Variants in STARD4 observed in about 807,000 individuals in gnomAD.
STARD4 encodes stAR-related lipid transfer protein 4.
A neutral mutation model predicts 24.9 loss-of-function variants in STARD4; 33 were observed. The ratio of observed to expected loss-of-function variants is 1.32; its 90% CI spans 1.00 to 1.77. STARD4 has a LOEUF of 1.77. Ranked by LOEUF, STARD4 falls within the 40% of genes most tolerant of loss-of-function variation. STARD4 has a pLI of 0.00. For synonymous variants in STARD4, 88 were observed against 77.4 expected (o/e 1.14, Z -0.72); for missense variants, 238 against 249.3 (o/e 0.95, Z 0.31).
At chr5:111,510,225 C>G (rs527553435) in intron 1 of STARD4, among the ~76,000 whole-genome samples, 1 of 152,266 alleles carries the variant, frequency 6.6e-6, no homozygotes, top group African/African-American at 2.4e-5. Flanking sequence ...TCTGTGTAAA[C>G]AGGCATAATT....
chr5:111,504,966 C>A (rs79490111), intron 3 of STARD4: 1 of 447,514 alleles, frequency 2.2e-6, no homozygotes, highest in South Asian at 1.6e-5. Context: ...TTCTGTGCTG[C>A]GGCCTCAGTT....
At chr5:111,501,257 A>G (rs1756433686) in intron 4 of STARD4, 141 bp from the exon 5 acceptor site, 1 of 946,848 alleles carries the variant, frequency 1.1e-6, no homozygotes, top group African/African-American at 1.7e-5. Context: ...TGATTCTGAC[A>G]GGTCTAGATC....
chr5:111,497,071 A>G lies in STARD4; in HGVS notation c.*2815T>C, dbSNP rs981901599. On this transcript the variant is annotated 3_prime_UTR_variant, in exon 6 of 6. Transcript: ENST00000296632. ...AAACTAATTTCCTTAAAAAATAGCT[A>G]CTATATACTGAAAACAGTATTATGC... The G allele has an allele frequency of 1.3e-5, 2 of 152,050 alleles. No homozygotes were observed. Among genetic ancestry groups the G allele is most frequent in the Non-Finnish European group, 2.9e-5 (2 of 67,924 alleles). The allele number at this position is 152,050 out of a possible 1,614,324, so 9.4% of individuals were successfully genotyped here.
Position 111,497,732 on chromosome 5 carries a change from T to C in STARD4, c.*2154A>G, listed in dbSNP as rs1031787359. 3 of 152,106 alleles carry C rather than the reference T, an allele frequency of 2.0e-5. No individual in the cohort carries two copies. The highest frequency in any genetic ancestry group is 7.2e-5 in the African/African-American group (3 of 41,444). 9.4% of individuals were successfully genotyped at this position (152,106 alleles called of 1,614,324 possible). A position where few individuals can be genotyped will look rare whatever the true frequency, so the allele number is the denominator to read the frequency against. ...ATTGCTATAGAAGCAGCGGACTCAA[T>C]TATTTATGTTAATATCCATCCCAAC... On this transcript the variant is annotated 3_prime_UTR_variant, in exon 6 of 6. Coordinates refer to ENST00000296632, the MANE Select transcript of STARD4 (RefSeq NM_139164.3).
Position 111,507,239 on chromosome 5 carries a change from G to T in STARD4, c.105+90C>A, listed in dbSNP as rs535341186. ...CATATCCATCCAAAGTATGGTCTTT[G>T]TCCATATTGTTCCATTTAATTTTAA... On this transcript the variant is annotated intron_variant, in intron 2 of 5. Coordinates refer to ENST00000296632, the MANE Select transcript of STARD4 (RefSeq NM_139164.3). The surrounding 1 kb of genome is among the most constrained non-coding windows in gnomAD (Gnocchi z 4.4). 4.3e-5 allele frequency: 45 copies of T among 1,044,658 alleles called. No homozygotes were observed. The highest frequency in any genetic ancestry group is 6.2e-5 in the Non-Finnish European group (44 of 706,518). The allele number at this position is 1,044,658 out of a possible 1,614,324, so 64.7% of individuals were successfully genotyped here. A position where few individuals can be genotyped will look rare whatever the true frequency, so the allele number is the denominator to read the frequency against.
At chr5:111,502,991 A>C (rs1756577631) in intron 3 of STARD4, among the ~76,000 whole-genome samples, 1 of 152,186 alleles carries the variant, frequency 6.6e-6, no homozygotes, top group Non-Finnish European at 1.5e-5. Context: ...AACATAGCCA[A>C]AAACAGTTTA....
chr5:111,503,254 T>A (rs1756597570), intron 3 of STARD4, among the ~76,000 whole-genome samples: 2 of 152,180 alleles, frequency 1.3e-5, no homozygotes, highest in Admixed American at 1.3e-4. Context: ...TCAATAGTTA[T>A]CCTTATGGAG....
intron 1 of STARD4, among the ~76,000 whole-genome samples, chr5:111,511,300 C>A (rs1757255550): frequency 6.6e-6 from 1 of 151,980 alleles, no homozygotes; most frequent in Non-Finnish European, 1.5e-5. Context: ...AAAAAAAAAA[C>A]CTAATGCTCT....
chr5:111,500,191 T>C, intron 5 of STARD4, 85 bp from the exon 6 acceptor site: 1 of 1,404,434 alleles, frequency 7.1e-7, no homozygotes, highest in Non-Finnish European at 9.3e-7. Context: ...GAATTCTTAT[T>C]TAAATATTTA....
rs532561915 is a variant in STARD4 at position 111,502,068 on chromosome 5, A to T, written c.176T>A (p.Ile59Lys). ...NGYLYKAQGVIDDLVYSIIDH... is the reference protein window; with the variant it reads ...NGYLYKAQGVKDDLVYSIIDH... ...TATTATACTATAGACAAGGTCATCT[A>T]TAACACCTTGGGCTTTGTAGCTGGA... is the stretch of plus-strand genomic sequence containing the variant. The change falls in exon 4 of 6, where the codon ATA (isoleucine) becomes AAA (lysine). Residue 59 changes from isoleucine to lysine, a missense_variant. Physicochemically the swap from Ile to Lys is moderately radical, Grantham distance 102. Transcript: ENST00000296632. The T allele has an allele frequency of 6.2e-7, 1 of 1,613,462 alleles. No individual in the cohort carries two copies. The highest frequency in any genetic ancestry group is 1.7e-5 in the Admixed American group (1 of 59,770).
chr5:111,500,178 C>A, intron 5 of STARD4, 72 bp from the exon 6 acceptor site: 2 of 1,416,604 alleles, frequency 1.4e-6, no homozygotes, highest in Non-Finnish European at 9.2e-7. Flanking sequence ...TAAAATATTA[C>A]CAGAATTCTT....
chr5:111,500,643 T>C, intron 5 of STARD4: 1 of 1,200,956 alleles, frequency 8.3e-7, no homozygotes, highest in Non-Finnish European at 1.0e-6. Flanking sequence ...GAAGGAAGAA[T>C]ATTCTAAGAC....
Position 111,501,107 on chromosome 5 carries a change from C to G in STARD4, c.292G>C (p.Val98Leu). 6.3e-7 allele frequency: 1 copy of G among 1,590,328 alleles called. No individual in the cohort carries two copies. Residue 98 changes from valine (V) to leucine (L), a missense_variant, in exon 5 of 6, where the codon GTG (valine) becomes CTG (leucine). By Grantham distance (32) the Val-to-Leu change is conservative. Transcript: ENST00000296632. ...TGACCAGCAGTAGTGTAACGCATCA[C>G]ACAGCAATTCTGAAAAAGAAGAGAT... ...ILENFEENCC[V>L]MRYTTAGQLW...
Position 111,499,657 on chromosome 5 carries a change from T to C in STARD4, c.*229A>G, listed in dbSNP as rs1756280084. 3.9e-6 allele frequency: 2 copies of C among 515,724 alleles called. No individual in the cohort carries two copies. The highest frequency in any genetic ancestry group is 1.9e-5 in the African/African-American group (1 of 51,798). 31.9% of individuals were successfully genotyped at this position (515,724 alleles called of 1,614,324 possible). On this transcript the variant is annotated 3_prime_UTR_variant, in exon 6 of 6. Transcript: ENST00000296632. ...GTGATCATACCACTGCCCTCCAGCA[T>C]GGGCAACAGAGTGAGAGCCTGTCTC...
At chr5:111,500,761 C>A in intron 5 of STARD4, 1 of 1,427,534 alleles carries the variant, frequency 7.0e-7, no homozygotes, top group Non-Finnish European at 9.1e-7. Flanking sequence ...GTCATGTGAT[C>A]CACATTTGCT....
rs1240842854 is a variant in STARD4, at chr5:111,501,006, AGATAAAAGCCCTTCT to A, written c.378_392del (p.Lys126_Ser131delinsAsn). ...ATAACATGTTGAGATTATTACCACA[AGATAAAAGCCCTTCT>A]TTATAGCCCACAGTATAGGAGAAAT... On this transcript the variant is annotated inframe_deletion, in exon 5 of 6. Coordinates refer to ENST00000296632, the MANE Select transcript of STARD4 (RefSeq NM_139164.3). The A allele has an allele frequency of 3.7e-6, 6 of 1,613,890 alleles. No individual in the cohort carries two copies. The Admixed American group carries it at 8.3e-5, about 22-fold the overall frequency.
chr5:111,504,349 G>C (rs1756686398), intron 3 of STARD4, among the ~76,000 whole-genome samples: 1 of 152,076 alleles, frequency 6.6e-6, no homozygotes. Context: ...ATTTACATAT[G>C]ACAACATGGC....
At chr5:111,503,528 C>T (rs1044922959) in intron 3 of STARD4, among the ~76,000 whole-genome samples, 1 of 152,102 alleles carries the variant, frequency 6.6e-6, no homozygotes, top group East Asian at 1.9e-4. Flanking sequence ...GCTTCGGAGG[C>T]TGAGGCAGGA....
At chr5:111,506,255 A>G in intron 3 of STARD4, 75 bp downstream of exon 3, 1 of 647,088 alleles carries the variant, frequency 1.5e-6, no homozygotes, top group Non-Finnish European at 2.5e-6. Context: ...CTTACTAGCA[A>G]TGACTACTTA....
Sources: allele counts gnomAD v4.1 joint callset (sites outside exome capture counted in the v4.1 genomes callset), GRCh38; gene constraint gnomAD v4.1.1; non-coding constraint Gnocchi (gnomAD v3.1); transcripts MANE v1.5; gene names NCBI Gene and HGNC (gene_info 2026-07-23, HGNC 2026-07-21).